OPCML: variants seen among roughly 807,000 people sequenced by gnomAD.
OPCML encodes the protein opioid-binding protein/cell adhesion molecule.
In OPCML, 13 loss-of-function variants were observed where a neutral mutation model predicts 37.8. The observed-to-expected ratio is 0.34, with a 90% CI of 0.22 to 0.55. OPCML has a LOEUF of 0.55. OPCML is among the 20% of genes least tolerant of loss of function. The pLI, the probability that OPCML is intolerant of heterozygous loss-of-function variation, is 0.91. For synonymous variants in OPCML, 176 were observed against 168.8 expected, an observed-to-expected ratio of 1.04 and a Z score of -0.33; for missense variants, 341 against 435.6, an observed-to-expected ratio of 0.78 and a Z score of 1.93.
At chr11:133,507,512 G>T (rs1315527726) in intron 1 of OPCML, among the ~76,000 whole-genome samples, 1 of 152,174 alleles carries the variant, frequency 6.6e-6, no homozygotes, top group Non-Finnish European at 1.5e-5. Context: ...GAGGGGAGCT[G>T]ATTCCTAGGG....
intron 1 of OPCML, among the ~76,000 whole-genome samples, chr11:133,513,324 T>C (rs1371371765): frequency 1.3e-5 from 2 of 152,082 alleles, no homozygotes; most frequent in Non-Finnish European, 2.9e-5. Context: ...ACGACAAGAG[T>C]GTTACTGCTT....
intron 2 of OPCML, among the ~76,000 whole-genome samples, chr11:132,672,385 A>C (rs948004): frequency 0.085 from 12,871 of 152,208 alleles, 660 homozygotes; most frequent in Non-Finnish European, 0.11. Flanking sequence ...ACGCAAGGGA[A>C]ACAACTAGTG....
intron 2 of OPCML, among the ~76,000 whole-genome samples, chr11:132,758,823 AC>A (rs1338487761): frequency 6.6e-6 from 1 of 152,180 alleles, no homozygotes; most frequent in East Asian, 1.9e-4. Flanking sequence ...CCTGGCCAGA[AC>A]TTCCAATACT....
intron 1 of OPCML, among the ~76,000 whole-genome samples, chr11:133,039,248 C>T (rs1488975832): frequency 1.3e-5 from 2 of 152,202 alleles, no homozygotes; most frequent in Admixed American, 1.3e-4. Context: ...CATCTGTATG[C>T]TGCAGCAGGA....
At chr11:133,313,971 C>A (rs1166794313) in intron 1 of OPCML, among the ~76,000 whole-genome samples, 1 of 152,058 alleles carries the variant, frequency 6.6e-6, no homozygotes, top group Non-Finnish European at 1.5e-5. Flanking sequence ...CGCAGTGGCT[C>A]ACGCCTGTAA....
chr11:132,999,133 C>G (rs905912243), intron 1 of OPCML, among the ~76,000 whole-genome samples: 2 of 152,138 alleles, frequency 1.3e-5, no homozygotes, highest in Middle Eastern at 3.2e-3. Flanking sequence ...AGTTCCTGCT[C>G]CCAGCAGTCC....
chr11:132,873,787 G>A (rs1044204452), intron 2 of OPCML, among the ~76,000 whole-genome samples: 32 of 149,944 alleles, frequency 2.1e-4, no homozygotes, highest in Admixed American at 1.3e-4. Context: ...AAAGTAAAGA[G>A]AAGAATAGTA....
At chr11:132,769,268 C>A (rs1156887860) in intron 2 of OPCML, among the ~76,000 whole-genome samples, 2 of 147,314 alleles carry the variant, frequency 1.4e-5, no homozygotes, top group South Asian at 4.3e-4. Context: ...GACGGAGTCT[C>A]GCTCTGTTGC....
chr11:133,415,589 C>T (rs1476939663), intron 1 of OPCML, among the ~76,000 whole-genome samples: 3 of 152,162 alleles, frequency 2.0e-5, no homozygotes, highest in African/African-American at 7.2e-5. Context: ...CATCCATGAT[C>T]AGCAGAACAA....
chr11:132,697,912 C>T (rs1742802663), intron 2 of OPCML, among the ~76,000 whole-genome samples: 1 of 151,842 alleles, frequency 6.6e-6, no homozygotes, highest in East Asian at 1.9e-4. Flanking sequence ...GGACCACAGG[C>T]ATGCATTACC....
intron 1 of OPCML, among the ~76,000 whole-genome samples, chr11:133,055,850 G>A (rs555781987): frequency 1.1e-4 from 17 of 150,176 alleles, no homozygotes; most frequent in South Asian, 4.2e-4. Context: ...CGCCTCTACC[G>A]TATAATGCTG....
chr11:132,842,228 A>C (rs1415239870), intron 2 of OPCML, among the ~76,000 whole-genome samples: 1 of 152,134 alleles, frequency 6.6e-6, no homozygotes, highest in Non-Finnish European at 1.5e-5. Context: ...TAGAGCTCCC[A>C]TAGGAGTCTG....
At chr11:133,257,604 C>T (rs1242477508) in intron 1 of OPCML, among the ~76,000 whole-genome samples, 6 of 152,180 alleles carry the variant, frequency 3.9e-5, no homozygotes, top group Non-Finnish European at 8.8e-5. Context: ...TGGCTGAGAG[C>T]ACCTCTCAAC....
intron 1 of OPCML, among the ~76,000 whole-genome samples, chr11:133,349,478 AATC>A (rs1944079407): frequency 6.6e-6 from 1 of 152,188 alleles, no homozygotes; most frequent in Non-Finnish European, 1.5e-5. Flanking sequence ...GGTGAGCAGA[AATC>A]ATCACAGGCT....
chr11:132,462,462 G>C (rs994632055), intron 4 of OPCML, among the ~76,000 whole-genome samples: 4 of 152,192 alleles, frequency 2.6e-5, no homozygotes, highest in African/African-American at 9.7e-5. Flanking sequence ...GGAAAGCTGG[G>C]TGTCCAGCAA....
At chr11:132,752,816 G>A (rs1256377242) in intron 2 of OPCML, among the ~76,000 whole-genome samples, 1 of 152,006 alleles carries the variant, frequency 6.6e-6, no homozygotes, top group Non-Finnish European at 1.5e-5. Context: ...TAAAAGACAG[G>A]CCTCCTTCCT....
Position 133,447,072 on chromosome 11 carries a change from T to C in OPCML, c.61+85192A>G, listed in dbSNP as rs947952153. Among the ~76,000 whole-genome samples, 10 of 152,348 alleles carry C rather than the reference T, an allele frequency of 6.6e-5. No individual in the cohort carries two copies. In the East Asian group the frequency reaches 1.9e-3, roughly 29 times the overall value. On this transcript the variant is annotated intron_variant, in intron 1 of 7. Coordinates refer to ENST00000524381, the MANE Select transcript of OPCML (RefSeq NM_001012393.5). ...CTAGGAGTAGAATTTCTGTGCCATATATTAAGTTTATGTTTTCATTAAAGT... is the reference window on the plus strand; with the variant it reads ...CTAGGAGTAGAATTTCTGTGCCATACATTAAGTTTATGTTTTCATTAAAGT...
At chr11:133,070,570 T>A (rs1948514422) in intron 1 of OPCML, among the ~76,000 whole-genome samples, 1 of 152,188 alleles carries the variant, frequency 6.6e-6, no homozygotes, top group Non-Finnish European at 1.5e-5. Flanking sequence ...TTTCAGAGCC[T>A]ATGAAGAGAG....
intron 1 of OPCML, among the ~76,000 whole-genome samples, chr11:133,196,168 C>A (rs1443895665): frequency 6.6e-6 from 1 of 152,180 alleles, no homozygotes; most frequent in Non-Finnish European, 1.5e-5. Context: ...TTAACTAATT[C>A]TTCTTAATGA....
Sources: gnomAD v4.1 joint callset for allele counts (sites outside exome capture counted in the v4.1 genomes callset) on GRCh38, gnomAD v4.1.1 for gene constraint, MANE v1.5 for transcripts, NCBI Gene and HGNC (gene_info 2026-07-23, HGNC 2026-07-21) for gene names.